Variants in GNG2 observed in about 807,000 individuals in gnomAD.
GNG2 encodes the protein G protein subunit gamma 2, also known as guanine nucleotide-binding protein G(I)/G(S)/G(O) subunit gamma-2.
GNG2 carries 5 observed loss-of-function variants against 5.5 expected under a neutral mutation model. The ratio of observed to expected loss-of-function variants is 0.91; its 90% confidence interval spans 0.48 to 1.92. GNG2 has a LOEUF of 1.92. GNG2 is among the 30% of genes most tolerant of loss of function. The pLI is 0.01. For missense variants in GNG2, 55 were observed against 88.4 expected, an observed-to-expected ratio of 0.62 and a Z score of 1.52; for synonymous variants, 28 against 32.0, an observed-to-expected ratio of 0.88 and a Z score of 0.42.
intron 2 of GNG2, among the ~76,000 whole-genome samples, chr14:51,880,601 T>C (rs965544367): frequency 3.3e-5 from 5 of 152,220 alleles, no homozygotes; most frequent in African/African-American, 1.2e-4. Context: ...CAAGTCCTCT[T>C]AAAATCCACT....
intron 3 of GNG2, among the ~76,000 whole-genome samples, chr14:51,953,296 G>A (rs947790128): frequency 3.3e-5 from 5 of 152,168 alleles, no homozygotes; most frequent in Non-Finnish European, 5.9e-5. Context: ...AGGTTCTAAA[G>A]AGATGGAGAT....
intron 2 of GNG2, chr14:51,913,965 ATATG>A (rs1241446876): frequency 3.1e-5 from 15 of 484,858 alleles, no homozygotes; most frequent in Non-Finnish European, 4.8e-5. Context: ...CATTTCATAT[ATATG>A]AAAAACAATG....
At chr14:51,952,744 A>G (rs771957182) in intron 3 of GNG2, among the ~76,000 whole-genome samples, 14 of 152,164 alleles carry the variant, frequency 9.2e-5, no homozygotes, top group Non-Finnish European at 1.3e-4. Context: ...ATCATCCCTC[A>G]CCTGAATTAC....
At chr14:51,855,812 A>G (rs1342023950), upstream of GNG2, among the ~76,000 whole-genome samples, 1 of 152,184 alleles carries the variant, frequency 6.6e-6, no homozygotes, top group East Asian at 1.9e-4. Flanking sequence ...AGAGAGAGAG[A>G]GACTGACCAA....
chr14:51,949,324 T>A (rs1672759131), intron 2 of GNG2, among the ~76,000 whole-genome samples: 1 of 150,658 alleles, frequency 6.6e-6, no homozygotes, highest in South Asian at 2.1e-4. Context: ...CCAAAAGAGA[T>A]AATTTATAGA....
chr14:51,852,046 G>A (rs1397424837), intron 2 of GNG2, among the ~76,000 whole-genome samples: 1 of 147,898 alleles, frequency 6.8e-6, no homozygotes, highest in Non-Finnish European at 1.5e-5. Context: ...CAGTGAGGGT[G>A]TACGTAAATA....
chr14:51,914,567 A>G (rs558997256), intron 2 of GNG2, among the ~76,000 whole-genome samples: 1 of 152,292 alleles, frequency 6.6e-6, no homozygotes, highest in African/African-American at 2.4e-5. Flanking sequence ...AGACCACATG[A>G]GTAATGTGCT....
intron 3 of GNG2, among the ~76,000 whole-genome samples, chr14:51,958,945 C>T (rs1016752274): frequency 2.0e-5 from 3 of 152,202 alleles, no homozygotes; most frequent in African/African-American, 7.2e-5. Context: ...TCACCAATGA[C>T]TCCAGACGGC....
intron 1 of GNG2, among the ~76,000 whole-genome samples, chr14:51,876,705 G>C (rs965798249): frequency 1.3e-5 from 2 of 152,016 alleles, no homozygotes; most frequent in Non-Finnish European, 1.5e-5. Context: ...GGTAGTCTGG[G>C]AATATAATTG....
At chr14:51,889,871 T>C (rs931613603) in intron 2 of GNG2, among the ~76,000 whole-genome samples, 2 of 152,186 alleles carry the variant, frequency 1.3e-5, no homozygotes, top group Non-Finnish European at 2.9e-5. Context: ...TTTTTAAAAA[T>C]AACATGCATT....
At chr14:51,915,764 C>T (rs748821807) in intron 2 of GNG2, among the ~76,000 whole-genome samples, 5 of 152,304 alleles carry the variant, frequency 3.3e-5, no homozygotes, top group South Asian at 2.1e-4. Context: ...GGAACACATA[C>T]TTAGCCTGAA....
At chr14:51,855,526 C>T (rs1882116739), upstream of GNG2, among the ~76,000 whole-genome samples, 1 of 152,180 alleles carries the variant, frequency 6.6e-6, no homozygotes, top group Admixed American at 6.5e-5. Flanking sequence ...GGCTTCTATT[C>T]CCTTTAGCTG....
chr14:51,911,031 C>T (rs1886260673), intron 2 of GNG2, among the ~76,000 whole-genome samples: 1 of 152,180 alleles, frequency 6.6e-6, no homozygotes, highest in Non-Finnish European at 1.5e-5. Flanking sequence ...CATTATTTAA[C>T]AAAGAGGTGT....
chr14:51,938,406 C>T (rs1566700368), intron 2 of GNG2, among the ~76,000 whole-genome samples: 1 of 152,162 alleles, frequency 6.6e-6, no homozygotes, highest in African/African-American at 2.4e-5. Context: ...CAGTGGTGGT[C>T]ATTGTTTTCT....
intron 2 of GNG2, among the ~76,000 whole-genome samples, chr14:51,896,768 C>T (rs562314225): frequency 4.2e-4 from 64 of 151,922 alleles, no homozygotes; most frequent in African/African-American, 1.5e-3. Context: ...GATAGATGGC[C>T]AAAATATAAC....
intron 2 of GNG2, among the ~76,000 whole-genome samples, chr14:51,900,147 A>G (rs1265514719): frequency 2.0e-5 from 3 of 152,116 alleles, no homozygotes; most frequent in Non-Finnish European, 4.4e-5. Context: ...AAGGGCTCCA[A>G]TTTCTCCATA....
chr14:51,858,566 C>T (rs866090484), upstream of GNG2, among the ~76,000 whole-genome samples: 9 of 152,246 alleles, frequency 5.9e-5, no homozygotes, highest in South Asian at 2.1e-4. Flanking sequence ...CAAAAAGACA[C>T]AAAAAATTAC....
chr14:51,855,073 C>T (rs866425365), intron 2 of GNG2, among the ~76,000 whole-genome samples: 2 of 152,138 alleles, frequency 1.3e-5, no homozygotes, highest in East Asian at 1.9e-4. Flanking sequence ...CATTCATCAC[C>T]GATAGCCTCC....
chr14:51,859,823 G>A (rs1022555447), upstream of GNG2, among the ~76,000 whole-genome samples: 1 of 152,150 alleles, frequency 6.6e-6, no homozygotes, highest in Non-Finnish European at 1.5e-5. Context: ...GTGTGGAATG[G>A]GGAGAGGAGT....
Sources: gnomAD v4.1 joint callset for allele counts (sites outside exome capture counted in the v4.1 genomes callset) on GRCh38, gnomAD v4.1.1 for gene constraint, MANE v1.5 for transcripts, NCBI Gene and HGNC (gene_info 2026-07-23, HGNC 2026-07-21) for gene names.